IFT74: variants seen among roughly 807,000 people sequenced by gnomAD.
IFT74 encodes the protein intraflagellar transport protein 74 homolog.
Under a neutral mutation model 96.7 loss-of-function variants are expected in IFT74, and 92 were observed. The observed-to-expected ratio is 0.95, with a 90% CI of 0.80 to 1.13. The LOEUF is 1.13. Among genes scored for constraint, IFT74 ranks in the 50% most tolerant of loss-of-function variants. The probability of loss-of-function intolerance (pLI) is 0.00; values close to 1 mark genes in which losing one functional copy is unlikely to be tolerated. For synonymous variants in IFT74, 223 were observed against 213.2 expected, an observed-to-expected ratio of 1.05 and a Z score of -0.40; for missense variants, 811 against 698.2, an observed-to-expected ratio of 1.16 and a Z score of -1.82.
rs71841244 is a variant in IFT74 at position 26,948,448 on chromosome 9, A to ATTTTTTTTTTTTTTTTTTT, written c.-20+1324_-20+1342dup. On this transcript the variant is annotated intron_variant, in intron 1 of 19. Coordinates refer to the IFT74 transcript ENST00000433700. ...TGACAACCTGTGATGGCTTTCCATT[A>ATTTTTTTTTTTTTTTTTTT]TTTTTTTTTTTTTTTTTTTTTTTTT... Among the ~76,000 whole-genome samples, 12 of 59,164 alleles carry ATTTTTTTTTTTTTTTTTTT rather than the reference A, an allele frequency of 2.0e-4. 2 individuals are homozygous for ATTTTTTTTTTTTTTTTTTT. Among genetic ancestry groups the ATTTTTTTTTTTTTTTTTTT allele is most frequent in the Non-Finnish European group, 3.8e-4 (10 of 26,082 alleles). The allele number at this position is 59,164 out of a possible 152,430, so 38.8% of individuals were successfully genotyped here. A position where few individuals can be genotyped will look rare whatever the true frequency, so the allele number is the denominator to read the frequency against.
chr9:26,972,605 G>A (rs752113753), intron 2 of IFT74, among the ~76,000 whole-genome samples: 29 of 152,244 alleles, frequency 1.9e-4, no homozygotes, highest in East Asian at 5.8e-4. Context: ...CACAAGAGAC[G>A]GTCAGGCTTC....
chr9:27,020,952 T>A (rs1390969425), intron 12 of IFT74, among the ~76,000 whole-genome samples: 1 of 152,054 alleles, frequency 6.6e-6, no homozygotes, highest in African/African-American at 2.4e-5. Context: ...GTCCCCGGAG[T>A]CCATTGTATC....
intron 16 of IFT74, among the ~76,000 whole-genome samples, chr9:27,053,824 G>A (rs190803222): frequency 1.1e-3 from 171 of 152,232 alleles, no homozygotes; most frequent in African/African-American, 3.8e-3. Flanking sequence ...ATATCTACAG[G>A]CTAAAAACAG....
intron 13 of IFT74, among the ~76,000 whole-genome samples, chr9:27,043,363 C>G (rs545142488): frequency 6.6e-6 from 1 of 152,326 alleles, no homozygotes; most frequent in South Asian, 2.1e-4. Context: ...CTGACTTTGC[C>G]ATCACCCTTG....
intron 16 of IFT74, among the ~76,000 whole-genome samples, chr9:27,052,253 T>C (rs1274896979): frequency 2.6e-4 from 40 of 152,300 alleles, no homozygotes; most frequent in Non-Finnish European, 1.6e-4. Context: ...CTCACGCCTG[T>C]AATCCCACCA....
chr9:26,964,864 T>G (rs554374806), intron 2 of IFT74, among the ~76,000 whole-genome samples: 2 of 152,226 alleles, frequency 1.3e-5, no homozygotes, highest in African/African-American at 4.8e-5. Context: ...TAGTAAATGT[T>G]AAAGAGCTTA....
intron 3 of IFT74, among the ~76,000 whole-genome samples, chr9:26,978,530 A>G (rs1286398985): frequency 6.6e-6 from 1 of 152,176 alleles, no homozygotes; most frequent in African/African-American, 2.4e-5. Context: ...TACAGTTTGA[A>G]TTAGAAAGCT....
intron 18 of IFT74, among the ~76,000 whole-genome samples, chr9:27,059,240 C>T (rs1414362031): frequency 6.6e-6 from 1 of 152,178 alleles, no homozygotes; most frequent in African/African-American, 2.4e-5. Flanking sequence ...AAGTCAAATC[C>T]TGGTCTTCCT....
At chr9:27,012,708 G>GTGTTTTT (rs1829144413) in intron 10 of IFT74, among the ~76,000 whole-genome samples, 3 of 53,868 alleles carry the variant, frequency 5.6e-5, no homozygotes, top group African/African-American at 2.5e-4. Context: ...AAAAATGTCT[G>GTGTTTTT]TTTTTTTTTT....
intron 8 of IFT74, chr9:26,999,762 TG>T: frequency 3.7e-6 from 4 of 1,070,746 alleles, no homozygotes; most frequent in South Asian, 1.6e-5. Context: ...CTTTTGAATC[TG>T]TTTATTCTTT....
chr9:26,947,911 C>T (rs569632395), intron 1 of IFT74, among the ~76,000 whole-genome samples: 1 of 152,266 alleles, frequency 6.6e-6, no homozygotes, highest in East Asian at 1.9e-4. Flanking sequence ...ACCCCGCCGC[C>T]CACCCACCCG....
intron 9 of IFT74, 103 bp downstream of exon 9, chr9:27,009,261 C>T (rs1828936982): frequency 1.0e-6 from 1 of 972,994 alleles, no homozygotes; most frequent in Admixed American, 2.4e-5. Flanking sequence ...CTTGACTATA[C>T]TTTGAGATCA....
At chr9:27,054,397 G>T (rs1820067711) in intron 16 of IFT74, among the ~76,000 whole-genome samples, 1 of 152,080 alleles carries the variant, frequency 6.6e-6, no homozygotes, top group Non-Finnish European at 1.5e-5. Context: ...GGCACCCTGT[G>T]CTACTCTTTT....
At chr9:26,983,075 C>G (rs1456704778) in intron 4 of IFT74, among the ~76,000 whole-genome samples, 2 of 151,846 alleles carry the variant, frequency 1.3e-5, no homozygotes, top group Non-Finnish European at 2.9e-5. Flanking sequence ...TTTAATCCAC[C>G]CTCCCATCAT....
At chr9:27,051,107 A>T (rs1819900546) in intron 16 of IFT74, among the ~76,000 whole-genome samples, 1 of 152,144 alleles carries the variant, frequency 6.6e-6, no homozygotes, top group African/African-American at 2.4e-5. Context: ...AGACTTTGCC[A>T]TGGGAGTTAT....
chr9:27,040,544 CA>C (rs751893169), intron 13 of IFT74, among the ~76,000 whole-genome samples: 220 of 62,096 alleles, frequency 3.5e-3, no homozygotes, highest in African/African-American at 6.3e-3. Flanking sequence ...GACACTGTCT[CA>C]AAAAAAAAAA....
At chr9:26,975,281 T>G (rs1313063826) in intron 2 of IFT74, among the ~76,000 whole-genome samples, 2 of 152,074 alleles carry the variant, frequency 1.3e-5, no homozygotes, top group Admixed American at 6.6e-5. Context: ...TCCCTCTGGT[T>G]TTTAAAGGGT....
chr9:26,973,484 G>A (rs763901115), intron 2 of IFT74, among the ~76,000 whole-genome samples: 3 of 152,092 alleles, frequency 2.0e-5, no homozygotes, highest in Admixed American at 6.5e-5. Context: ...AGTTTTTCTC[G>A]ATTCCCTTCT....
intron 2 of IFT74, among the ~76,000 whole-genome samples, chr9:26,975,727 T>TGAGGCTCA (rs1182732036): frequency 2.6e-4 from 40 of 152,226 alleles, no homozygotes; most frequent in Non-Finnish European, 4.7e-4. Context: ...ACTGAGGCTC[T>TGAGGCTCA]GAGGCTCAAT....
Sources: gnomAD v4.1 joint callset for allele counts (sites outside exome capture counted in the v4.1 genomes callset) on GRCh38, gnomAD v4.1.1 for gene constraint, MANE v1.5 for transcripts, NCBI Gene and HGNC (gene_info 2026-07-23, HGNC 2026-07-21) for gene names.